Variants in SON observed in about 807,000 individuals in gnomAD.
SON encodes SON DNA and RNA binding protein.
SON carries 4 observed loss-of-function variants against 173.3 expected under a neutral mutation model. That is an observed-to-expected ratio of 0.02 (90% CI 0.01 to 0.05). The LOEUF (loss-of-function observed/expected upper bound fraction) is 0.05, where lower values mean the gene tolerates loss of function less well. Among genes scored for constraint, SON ranks in the 10% least tolerant of loss-of-function variants. The pLI is 1.00. For synonymous variants in SON, 1,190 were observed against 1,105.9 expected (o/e 1.08, Z -1.51); for missense variants, 2,626 against 3,055.3 (o/e 0.86, Z 3.31).
At position 33,543,743 on chromosome 21, in the gene SON, G is replaced by T. The variant is rs534394513; in HGVS notation, c.77+574G>T. ...GATAGTTAAATGTTTCAATTAAAAC[G>T]AACTCAAACTGATGCACTTGCTAGT... is the stretch of plus-strand genomic sequence containing the variant. On this transcript the variant is annotated intron_variant, in intron 1 of 11. Transcript: ENST00000356577. Among the ~76,000 whole-genome samples the T allele has an allele frequency of 3.9e-5, 6 of 152,304 alleles. No homozygotes were observed. The South Asian group carries it at 1.2e-3, about 32-fold the overall frequency.
At chr21:33,575,419 T>C (rs1393122021) in intron 9 of SON, 177 bp from the exon 10 acceptor site, 3 of 482,214 alleles carry the variant, frequency 6.2e-6, no homozygotes, top group African/African-American at 5.9e-5. Flanking sequence ...AATATAAATT[T>C]ATATGCTGAA....
At chr21:33,560,369 C>T in intron 6 of SON, 1 of 1,238,218 alleles carries the variant, frequency 8.1e-7, no homozygotes, top group Non-Finnish European at 1.0e-6. Context: ...TAACCTAATG[C>T]TCAGCCTTGG....
intron 6 of SON, among the ~76,000 whole-genome samples, chr21:33,566,094 G>A (rs904296153): frequency 6.6e-6 from 1 of 152,026 alleles, no homozygotes; most frequent in Non-Finnish European, 1.5e-5. Flanking sequence ...ATCCTTAGCC[G>A]TTAGCTATTT....
At chr21:33,562,877 A>G (rs544954354) in intron 6 of SON, among the ~76,000 whole-genome samples, 3 of 152,294 alleles carry the variant, frequency 2.0e-5, no homozygotes, top group African/African-American at 7.2e-5. Context: ...CTACTCAACT[A>G]TTAGTGTGGA....
Position 33,549,682 on chromosome 21 carries a change from G to C in SON, c.451G>C (p.Glu151Gln), listed in dbSNP as rs1245325441. The change falls in exon 3 of 12, where the codon GAA becomes CAA. Residue 151 changes from glutamate to glutamine, a missense_variant. This residue lies in a region of SON where 757 missense variants were observed against 730.1 expected (regional missense o/e 1.04). Transcript: ENST00000356577. ...TCATGATGATGGGAACATAGATTTA[G>C]AATCTGATTCCTTTTTAAAGTTTGA... ...KSHDDGNIDL[E>Q]SDSFLKFDSE... 1.2e-6 allele frequency: 2 copies of C among 1,612,658 alleles called. No homozygotes were observed. Among genetic ancestry groups the C allele is most frequent in the Admixed American group, 3.3e-5 (2 of 59,754 alleles).
chr21:33,546,122 C>A, intron 1 of SON, 91 bp from the exon 2 acceptor site: 1 of 1,025,258 alleles, frequency 9.8e-7, no homozygotes, highest in South Asian at 1.8e-5. Flanking sequence ...ATCTGACAGT[C>A]AGTACAACAT....
In SON at chr21:33,553,261, C is replaced by G. The variant is rs1256409836; in HGVS notation, c.4030C>G (p.Leu1344Val). ...TACTCCAGTGCTGGCAGAGAGCATTCTGGAGCCGCCAGCCATGGCTGCCCC... is the reference window on the plus strand; with the variant it reads ...TACTCCAGTGCTGGCAGAGAGCATTGTGGAGCCGCCAGCCATGGCTGCCCC... ...VTTPVLAESI[L>V]EPPAMAAPES... Residue 1344 changes from leucine (L) to valine (V), a missense_variant, in exon 3 of 12, where the codon CTG (leucine) becomes GTG (valine). Leu to Val is a conservative substitution (Grantham distance 32). This residue lies in a region of SON where 1,006 missense variants were observed against 895.6 expected (regional missense o/e 1.12). Transcript: ENST00000356577. 2.5e-6 allele frequency: 4 copies of G among 1,614,042 alleles called. No individual in the cohort carries two copies. In the Admixed American group the frequency reaches 5.0e-5, roughly 20 times the overall value.
In SON at chr21:33,550,132, G is replaced by C. The variant is rs1258990904; in HGVS notation, c.901G>C (p.Glu301Gln). 6.2e-7 allele frequency: 1 copy of C among 1,614,196 alleles called. No individual in the cohort carries two copies. The highest frequency in any genetic ancestry group is 8.5e-7 in the Non-Finnish European group (1 of 1,180,046). Residue 301 changes from glutamate to glutamine, a missense_variant, in exon 3 of 12, where the codon GAG becomes CAG. Transcript: ENST00000356577. ...LVEPPVAKVL[E>Q]PSETLVVSSE... is the part of the protein sequence containing the mutation. ...AGAGCCCCCAGTAGCAAAAGTGTTA[G>C]AGCCTTCAGAAACCCTTGTGGTATC...
chr21:33,572,890 C>T, intron 8 of SON: 1 of 241,440 alleles, frequency 4.1e-6, no homozygotes, highest in Non-Finnish European at 8.3e-6. Context: ...TAAACTATTT[C>T]TAAGTGATTT....
Position 33,576,611 on chromosome 21 carries a change from C to T in SON, c.*187C>T. On this transcript the variant is annotated 3_prime_UTR_variant, in exon 12 of 12. Coordinates refer to ENST00000356577, the MANE Select transcript of SON (RefSeq NM_138927.4). Reference sequence around the variant, plus strand: ...TTATAATAATCATTTCAGAATTTTACTCTGCATCACAATGTATTTCCTCTT... The same window carrying T: ...TTATAATAATCATTTCAGAATTTTATTCTGCATCACAATGTATTTCCTCTT... 2.9e-6 allele frequency: 2 copies of T among 699,404 alleles called. No individual in the cohort carries two copies. The highest frequency in any genetic ancestry group is 2.7e-6 in the Non-Finnish European group (1 of 371,438). 43.3% of individuals were successfully genotyped at this position (699,404 alleles called of 1,614,324 possible). A position where few individuals can be genotyped will look rare whatever the true frequency, so the allele number is the denominator to read the frequency against.
intron 11 of SON, 111 bp downstream of exon 11, chr21:33,576,004 G>GT: frequency 1.7e-6 from 1 of 587,564 alleles, no homozygotes; most frequent in Non-Finnish European, 2.9e-6. Flanking sequence ...TGGGGGGTTT[G>GT]TATTTGTAGT....
At position 33,554,421 on chromosome 21, in the gene SON, A is replaced by C; in HGVS notation, c.5190A>C (p.Glu1730Asp). Residue 1730 changes from glutamate (E) to aspartate (D), a missense_variant, in exon 3 of 12, where the codon GAA (glutamate) becomes GAC (aspartate). By Grantham distance (45) the Glu-to-Asp change is conservative. Transcript: ENST00000356577. ...CTGCCAATATTGAGGATATTAATGA[A>C]GCAGATTTAGTGAGACCGTTACTTC... is the stretch of plus-strand genomic sequence containing the variant. ...GFSANIEDIN[E>D]ADLVRPLLPK... 3 of 1,614,190 alleles carry C rather than the reference A, an allele frequency of 1.9e-6. No individual in the cohort carries two copies. Among genetic ancestry groups the C allele is most frequent in the Non-Finnish European group, 2.5e-6 (3 of 1,180,042 alleles).
chr21:33,543,188 C>T lies in SON; in HGVS notation c.77+19C>T. On this transcript the variant is annotated intron_variant, in intron 1 of 11. Transcript: ENST00000356577. ...TTTCCAGGTAAACGCCTCCCAGATT[C>T]TTCTGCTCCCAACGGACCGTTAGGC... 1.2e-6 allele frequency: 2 copies of T among 1,603,884 alleles called. No individual in the cohort carries two copies. Among genetic ancestry groups the T allele is most frequent in the African/African-American group, 1.3e-5 (1 of 74,856 alleles).
intron 2 of SON, chr21:33,547,076 GT>G (rs1291405955): frequency 6.6e-6 from 1 of 152,226 alleles, no homozygotes; most frequent in African/African-American, 2.4e-5. Flanking sequence ...CCAGGTTCAA[GT>G]GATTCTCCTG....
chr21:33,564,094 G>A (rs1169395463), intron 6 of SON, among the ~76,000 whole-genome samples: 2 of 152,120 alleles, frequency 1.3e-5, no homozygotes, highest in Non-Finnish European at 2.9e-5. Context: ...TGACAGCTTG[G>A]TAATAGTATT....
intron 1 of SON, chr21:33,543,390 C>T (rs1601246800): frequency 1.7e-6 from 1 of 589,232 alleles, no homozygotes; most frequent in East Asian, 2.9e-5. Context: ...TAACCCAAGA[C>T]TCCCTGTTTC....
chr21:33,556,109 C>T (rs1227876687), intron 3 of SON, among the ~76,000 whole-genome samples: 1 of 152,106 alleles, frequency 6.6e-6, no homozygotes, highest in Admixed American at 6.5e-5. Context: ...GTATACTGGA[C>T]ATTTCTAGGC....
chr21:33,554,528 C>A lies in SON; in HGVS notation c.5297C>A (p.Ser1766Tyr). ...LLASDVGRDR[S>Y]AASPVVSSMP... ...GCAAGTGATGTTGGACGTGACAGAT[C>A]TGCTGCCAGCCCGGTTGTAAGTAGT... The change falls in exon 3 of 12, where the codon TCT becomes TAT. Residue 1766 changes from serine (S) to tyrosine (Y), a missense_variant. Transcript: ENST00000356577. The A allele has an allele frequency of 6.2e-7, 1 of 1,614,104 alleles. No homozygotes were observed. The highest frequency in any genetic ancestry group is 8.5e-7 in the Non-Finnish European group (1 of 1,180,036).
chr21:33,569,700 C>T, intron 8 of SON: 1 of 426,394 alleles, frequency 2.3e-6, no homozygotes, highest in Non-Finnish European at 4.8e-6. Flanking sequence ...CTAGTATTAG[C>T]TCTGCATGTG....
Sources: allele counts gnomAD v4.1 joint callset (sites outside exome capture counted in the v4.1 genomes callset), GRCh38; gene constraint gnomAD v4.1.1; regional missense constraint gnomAD v4.1.1; transcripts MANE v1.5; gene names NCBI Gene and HGNC (gene_info 2026-07-23, HGNC 2026-07-21).